Variants in SPATA7 observed in about 807,000 individuals in gnomAD.
SPATA7 encodes the protein spermatogenesis associated 7.
SPATA7 carries 43 observed loss-of-function variants against 51.8 expected under a neutral mutation model. The observed-to-expected ratio is 0.83, with a 90% CI of 0.65 to 1.07. The LOEUF (loss-of-function observed/expected upper bound fraction) is 1.07. SPATA7 is among the 50% of genes least tolerant of loss of function. SPATA7 has a pLI of 0.00. For missense variants in SPATA7, 683 were observed against 701.3 expected, an observed-to-expected ratio of 0.97 and a Z score of 0.30; for synonymous variants, 230 against 252.8, an observed-to-expected ratio of 0.91 and a Z score of 0.86.
chr14:88,464,257 G>A (rs184840185), intron 4 of SPATA7, among the ~76,000 whole-genome samples: 1 of 152,122 alleles, frequency 6.6e-6, no homozygotes, highest in Non-Finnish European at 1.5e-5. Flanking sequence ...TTCTAATGCA[G>A]CTATTCCTCT....
At chr14:88,468,473 C>G (rs756696486) in intron 4 of SPATA7, among the ~76,000 whole-genome samples, 4 of 152,166 alleles carry the variant, frequency 2.6e-5, no homozygotes, top group Admixed American at 6.5e-5. Context: ...CAGACTATTT[C>G]TTCAACATTC....
rs2076798766 is a variant in SPATA7 at position 88,426,574 on chromosome 14, C to G, written c.715C>G (p.Pro239Ala). Residue 239 changes from proline to alanine, a missense_variant, in exon 6 of 12, where the codon CCA becomes GCA. Transcript: ENST00000393545. The part of the protein sequence containing the change: ...HSELFSNKQL[P>A]FTPRTLKTEA... The stretch of plus-strand genomic sequence containing the variant: ...TGAACTCTTTTCTAACAAACAATTG[C>G]CATTCACTCCTCGCACTTTAAAAAC... 2 of 1,613,978 alleles carry G rather than the reference C, an allele frequency of 1.2e-6. No homozygotes were observed. Among genetic ancestry groups the G allele is most frequent in the African/African-American group, 2.7e-5 (2 of 74,910 alleles).
chr14:88,457,233 TTAAAG>T (rs1000087197), downstream of SPATA7, among the ~76,000 whole-genome samples: 5 of 152,132 alleles, frequency 3.3e-5, no homozygotes, highest in Admixed American at 1.3e-4. Flanking sequence ...CATATGAACT[TTAAAG>T]TAGTTTTTTC....
intron 3 of SPATA7, chr14:88,393,768 A>G (rs1189896545): frequency 1.1e-5 from 3 of 271,444 alleles, no homozygotes; most frequent in Non-Finnish European, 2.1e-5. Flanking sequence ...ATGAAAATAT[A>G]TAATCTGCTT....
chr14:88,405,540 G>A (rs2076178874), intron 4 of SPATA7, among the ~76,000 whole-genome samples: 1 of 152,188 alleles, frequency 6.6e-6, no homozygotes, highest in South Asian at 2.1e-4. Context: ...TCAAATGTGT[G>A]TCCATAGTAT....
At chr14:88,394,063 A>G (rs2075816446) in intron 3 of SPATA7, among the ~76,000 whole-genome samples, 1 of 152,188 alleles carries the variant, frequency 6.6e-6, no homozygotes, top group Non-Finnish European at 1.5e-5. Flanking sequence ...AAATGGTAGC[A>G]AAAAATTTAA....
chr14:88,392,477 A>G (rs1010242905), intron 2 of SPATA7, among the ~76,000 whole-genome samples: 4 of 152,216 alleles, frequency 2.6e-5, no homozygotes, highest in African/African-American at 4.8e-5. Flanking sequence ...TTATACATAT[A>G]AAGAGTTTAG....
At chr14:88,422,704 C>CT (rs1415164615) in intron 5 of SPATA7, among the ~76,000 whole-genome samples, 1 of 150,462 alleles carries the variant, frequency 6.6e-6, no homozygotes, top group Non-Finnish European at 1.5e-5. Flanking sequence ...AACTTTTTGC[C>CT]TCCATAAAGT....
chr14:88,398,991 G>T (rs1445372295), intron 4 of SPATA7, among the ~76,000 whole-genome samples: 1 of 150,900 alleles, frequency 6.6e-6, no homozygotes, highest in Non-Finnish European at 1.5e-5. Context: ...GGCGGAGCTT[G>T]CAGTGAGCCG....
intron 4 of SPATA7, among the ~76,000 whole-genome samples, chr14:88,399,154 A>C (rs2075987320): frequency 6.6e-6 from 1 of 152,178 alleles, no homozygotes; most frequent in African/African-American, 2.4e-5. Flanking sequence ...TTTTGGGTGC[A>C]ATCTAGGAAA....
At chr14:88,420,933 G>A (rs2076624105) in intron 5 of SPATA7, among the ~76,000 whole-genome samples, 1 of 151,980 alleles carries the variant, frequency 6.6e-6, no homozygotes, top group African/African-American at 2.4e-5. Context: ...GGCCAACATG[G>A]TGAAACCTCG....
At chr14:88,437,521 C>CACA (rs2077120309) in intron 10 of SPATA7, 22 bp from the exon 11 acceptor site, 1 of 1,572,682 alleles carries the variant, frequency 6.4e-7, no homozygotes, top group African/African-American at 1.4e-5. Flanking sequence ...GAGACATTAA[C>CACA]ATTTTTGTTT....
intron 4 of SPATA7, chr14:88,468,250 T>G (rs1214631735): frequency 6.2e-7 from 1 of 1,605,778 alleles, no homozygotes; most frequent in African/African-American, 1.3e-5. Flanking sequence ...TCCAGCACTC[T>G]CGGGATGTCC....
intron 3 of SPATA7, among the ~76,000 whole-genome samples, chr14:88,451,469 G>A (rs1456335219): frequency 2.6e-5 from 4 of 151,090 alleles, no homozygotes; most frequent in Non-Finnish European, 4.4e-5. Context: ...GCTCCCGGCC[G>A]TGATTGTTTT....
At chr14:88,405,125 CAG>C (rs1397940282) in intron 4 of SPATA7, among the ~76,000 whole-genome samples, 1 of 152,050 alleles carries the variant, frequency 6.6e-6, no homozygotes, top group Non-Finnish European at 1.5e-5. Context: ...GCAATCCAGA[CAG>C]AGGAAACAGC....
intron 4 of SPATA7, chr14:88,468,994 G>A (rs985611094): frequency 6.2e-7 from 1 of 1,614,108 alleles, no homozygotes; most frequent in Non-Finnish European, 8.5e-7. Flanking sequence ...CACTGCAGTG[G>A]ACCAACAACG....
chr14:88,442,671 T>C (rs1190956510), downstream of SPATA7, among the ~76,000 whole-genome samples: 2 of 152,178 alleles, frequency 1.3e-5, no homozygotes, highest in Admixed American at 6.5e-5. Flanking sequence ...CTTTTTGATA[T>C]GCTGTTGGAT....
chr14:88,453,237 C>T (rs2077263948), intron 3 of SPATA7, among the ~76,000 whole-genome samples: 2 of 152,184 alleles, frequency 1.3e-5, no homozygotes, highest in African/African-American at 2.4e-5. Flanking sequence ...GGTTTAGCTT[C>T]AGATAAGGTT....
intron 1 of SPATA7, among the ~76,000 whole-genome samples, chr14:88,387,748 G>A (rs914745898): frequency 6.6e-6 from 1 of 152,060 alleles, no homozygotes; most frequent in Non-Finnish European, 1.5e-5. Context: ...GTCACTGTAC[G>A]TCCCTGGGCC....
Sources: gnomAD v4.1 joint callset for allele counts (sites outside exome capture counted in the v4.1 genomes callset) on GRCh38, gnomAD v4.1.1 for gene constraint, MANE v1.5 for transcripts, NCBI Gene and HGNC (gene_info 2026-07-23, HGNC 2026-07-21) for gene names.